The following HABP4 variants were observed in gnomAD, a reference collection of about 807,000 sequenced individuals.
The protein encoded by HABP4 is hyaluronan binding protein 4, also known as intracellular hyaluronan-binding protein 4.
HABP4 carries 32 observed loss-of-function variants against 44.1 expected under a neutral mutation model. The ratio of observed to expected loss-of-function variants is 0.73; its 90% CI spans 0.55 to 0.97. HABP4 has a LOEUF of 0.97. Among genes scored for constraint, HABP4 ranks in the 50% least tolerant of loss-of-function variants. HABP4 has a pLI of 0.00. For synonymous variants in HABP4, 216 were observed against 218.0 expected, an observed-to-expected ratio of 0.99 and a Z score of 0.08; for missense variants, 503 against 561.9, an observed-to-expected ratio of 0.90 and a Z score of 1.06.
Position 96,450,504 on chromosome 9 carries a change from A to C in HABP4, c.225A>C (p.Pro75=). 1 of 1,214,468 alleles carries C rather than the reference A, an allele frequency of 8.2e-7. No homozygotes were observed. The highest frequency in any genetic ancestry group is 1.0e-6 in the Non-Finnish European group (1 of 976,584). 75.2% of individuals were successfully genotyped at this position (1,214,468 alleles called of 1,614,324 possible). ...AGAGPRGGRS[P]AGASGHRAGA... is the part of the protein sequence containing the mutation. ...CCGGTCCCCGCGGCGGCAGGAGCCC[A>C]GCCGGGGCCTCGGGCCACAGAGCCG... is the stretch of plus-strand genomic sequence containing the variant. The change falls in exon 1 of 8, where the codon CCA becomes CCC. Residue 75 remains proline (P), a synonymous_variant. Coordinates refer to ENST00000375249, the MANE Select transcript of HABP4 (RefSeq NM_014282.4). The surrounding 1 kb of genome is among the most constrained non-coding windows in gnomAD (Gnocchi z 4.8).
intron 2 of HABP4, among the ~76,000 whole-genome samples, chr9:96,458,918 C>T (rs552950712): frequency 7.9e-5 from 12 of 152,226 alleles, no homozygotes; most frequent in African/African-American, 2.6e-4. Flanking sequence ...CCACCATGCC[C>T]GGCCCAGAAA....
intron 1 of HABP4, among the ~76,000 whole-genome samples, chr9:96,456,038 G>T (rs1832369879): frequency 6.6e-6 from 1 of 152,152 alleles, no homozygotes; most frequent in Non-Finnish European, 1.5e-5. Flanking sequence ...CTGGGTGACA[G>T]AGCGAGACTC....
rs753668052 is a variant in HABP4, at chr9:96,486,542, C to T, written c.1000-1547C>T. 4.1e-5 allele frequency among the ~76,000 whole-genome samples: 6 copies of T among 147,724 alleles called. 1 individual carries two copies. The highest frequency in any genetic ancestry group is 7.3e-5 in the African/African-American group (3 of 41,116). Reference sequence around the variant, plus strand: ...TTAATCCACACCAGATTTGTCCTCCCGGGCTCCAGAGGTCTCCCAGAATAT... The same window carrying T: ...TTAATCCACACCAGATTTGTCCTCCTGGGCTCCAGAGGTCTCCCAGAATAT... On this transcript the variant is annotated intron_variant, in intron 6 of 7. Coordinates refer to ENST00000375249, the MANE Select transcript of HABP4 (RefSeq NM_014282.4).
intron 5 of HABP4, among the ~76,000 whole-genome samples, chr9:96,480,096 G>T (rs1192688737): frequency 6.6e-6 from 1 of 152,086 alleles, no homozygotes; most frequent in Non-Finnish European, 1.5e-5. Flanking sequence ...GATCCCTTGA[G>T]CCCAGGAGGT....
At chr9:96,453,691 T>TAG (rs1832326580) in intron 1 of HABP4, among the ~76,000 whole-genome samples, 2 of 152,242 alleles carry the variant, frequency 1.3e-5, no homozygotes, top group Non-Finnish European at 2.9e-5. Context: ...TGGAAAATCT[T>TAG]ACTGTAAATT....
chr9:96,476,846 C>T (rs1436477143), intron 5 of HABP4, among the ~76,000 whole-genome samples: 1 of 152,216 alleles, frequency 6.6e-6, no homozygotes, highest in East Asian at 1.9e-4. Context: ...CTTGTTGAAA[C>T]TGCAGCTGAT....
At chr9:96,467,840 C>A (rs1274093968) in intron 4 of HABP4, among the ~76,000 whole-genome samples, 1 of 152,078 alleles carries the variant, frequency 6.6e-6, no homozygotes, top group Non-Finnish European at 1.5e-5. Flanking sequence ...CACCTTCTTT[C>A]TTCATCATCT....
intron 2 of HABP4, among the ~76,000 whole-genome samples, chr9:96,464,584 T>C (rs79942386): frequency 1.5e-3 from 235 of 152,282 alleles, no homozygotes; most frequent in African/African-American, 5.3e-3. Context: ...TTTTGTACCA[T>C]GTTTGGGTAT....
intron 4 of HABP4, among the ~76,000 whole-genome samples, chr9:96,468,373 T>C (rs571282972): frequency 9.2e-5 from 14 of 151,972 alleles, no homozygotes; most frequent in South Asian, 6.3e-4. Context: ...TTCTCCTGCC[T>C]CAGCTTCCCC....
At chr9:96,463,391 A>G (rs1832540589) in intron 2 of HABP4, among the ~76,000 whole-genome samples, 1 of 152,096 alleles carries the variant, frequency 6.6e-6, no homozygotes, top group African/African-American at 2.4e-5. Context: ...AGTAGCTGAG[A>G]TTACAGGCGT....
intron 4 of HABP4, among the ~76,000 whole-genome samples, chr9:96,468,833 T>C (rs371307850): frequency 1.3e-5 from 2 of 152,234 alleles, no homozygotes; most frequent in East Asian, 3.8e-4. Context: ...AGTAAGAAAT[T>C]TATTTCTTAG....
chr9:96,452,570 C>T (rs1320469246), intron 1 of HABP4, among the ~76,000 whole-genome samples: 1 of 152,002 alleles, frequency 6.6e-6, no homozygotes, highest in Non-Finnish European at 1.5e-5. Flanking sequence ...TTGAAATCAA[C>T]TAAAGGTATT....
At chr9:96,459,245 C>G (rs1424912106) in intron 2 of HABP4, among the ~76,000 whole-genome samples, 2 of 152,114 alleles carry the variant, frequency 1.3e-5, no homozygotes, top group Non-Finnish European at 2.9e-5. Context: ...TTAGACTGCT[C>G]AATGGATTGA....
chr9:96,464,773 T>A (rs1234061442), intron 2 of HABP4, among the ~76,000 whole-genome samples: 1 of 152,044 alleles, frequency 6.6e-6, no homozygotes, highest in African/African-American at 2.4e-5. Flanking sequence ...AGTAATGAGG[T>A]GGAAGGCAGG....
intron 5 of HABP4, among the ~76,000 whole-genome samples, chr9:96,479,094 C>T (rs572173842): frequency 3.3e-5 from 5 of 152,202 alleles, no homozygotes; most frequent in Non-Finnish European, 7.3e-5. Flanking sequence ...GAAATACACA[C>T]ATACACATTA....
intron 4 of HABP4, among the ~76,000 whole-genome samples, 193 bp downstream of exon 4, chr9:96,465,971 C>T (rs1056473362): frequency 6.6e-6 from 1 of 152,184 alleles, no homozygotes; most frequent in African/African-American, 2.4e-5. Flanking sequence ...TAGATTTAAA[C>T]TGCTTTTAAA....
upstream of HABP4, chr9:96,450,113 CGGGGCGGACGGCGGCGGCGCCGCG>C (rs924079438): frequency 5.7e-5 from 35 of 608,854 alleles, no homozygotes; most frequent in East Asian, 1.4e-4. This position sits in a 1 kb window ranked among gnomAD's most constrained non-coding sequence, Gnocchi z 4.8. Flanking sequence ...TCTGGCGCAG[CGGGGCGGACGGCGGCGGCGCCGCG>C]GGGGCGGGCG....
chr9:96,481,527 G>A (rs1163882624), intron 5 of HABP4, among the ~76,000 whole-genome samples: 1 of 152,120 alleles, frequency 6.6e-6, no homozygotes, highest in Non-Finnish European at 1.5e-5. Context: ...AGGATAGCTT[G>A]AGGCCAGGAG....
chr9:96,489,421 GC>G (rs1309794883), intron 7 of HABP4, among the ~76,000 whole-genome samples: 1 of 82,162 alleles, frequency 1.2e-5, no homozygotes, highest in African/African-American at 4.8e-5. Flanking sequence ...GCCCGCCCCC[GC>G]CCCCATCAGG....
Sources: allele counts gnomAD v4.1 joint callset (sites outside exome capture counted in the v4.1 genomes callset), GRCh38; gene constraint gnomAD v4.1.1; non-coding constraint Gnocchi (gnomAD v3.1); transcripts MANE v1.5; gene names NCBI Gene and HGNC (gene_info 2026-07-23, HGNC 2026-07-21).